The following ERC1 variants were observed in gnomAD, a reference collection of about 807,000 sequenced individuals.
The protein encoded by ERC1 is ELKS/RAB6-interacting/CAST family member 1, also known as RAB6 interacting protein 2.
Under a neutral mutation model 132.0 loss-of-function variants are expected in ERC1, and 56 were observed. That is an observed-to-expected ratio of 0.42 (90% CI 0.34 to 0.53). The LOEUF is 0.53. Among genes scored for constraint, ERC1 ranks in the 20% least tolerant of loss-of-function variants. The pLI, the probability that ERC1 is intolerant of heterozygous loss-of-function variation, is 0.03. For synonymous variants in ERC1, 478 were observed against 476.1 expected (o/e 1.00, Z -0.05); for missense variants, 1,202 against 1,349.9 (o/e 0.89, Z 1.72).
At chr12:1,265,534 A>C (rs886347954) in intron 14 of ERC1, among the ~76,000 whole-genome samples, 3 of 152,214 alleles carry the variant, frequency 2.0e-5, no homozygotes, top group Non-Finnish European at 4.4e-5. Flanking sequence ...GCGCCAGTGT[A>C]GTATTTGTTA....
At chr12:1,395,493 C>T (rs1425994634) in intron 16 of ERC1, among the ~76,000 whole-genome samples, 2 of 151,344 alleles carry the variant, frequency 1.3e-5, no homozygotes, top group African/African-American at 4.9e-5. Flanking sequence ...ATATAGGCTG[C>T]TCTTCTCCAG....
intron 8 of ERC1, among the ~76,000 whole-genome samples, chr12:1,163,091 CT>C (rs1206138067): frequency 3.9e-5 from 6 of 152,108 alleles, no homozygotes; most frequent in Non-Finnish European, 7.4e-5. Flanking sequence ...CTTCATACAA[CT>C]TTTTTTCCCC....
At chr12:1,470,758 TA>T (rs1375187438) in intron 18 of ERC1, among the ~76,000 whole-genome samples, 1 of 152,254 alleles carries the variant, frequency 6.6e-6, no homozygotes, top group Non-Finnish European at 1.5e-5. Context: ...TTGTTTAGAA[TA>T]CTCCACACTT....
At chr12:1,098,771 T>C (rs150509026) in intron 3 of ERC1, among the ~76,000 whole-genome samples, 1 of 152,362 alleles carries the variant, frequency 6.6e-6, no homozygotes, top group African/African-American at 2.4e-5. Context: ...AGGGCAGGCC[T>C]AGAAATTCAT....
chr12:1,315,802 C>G (rs2081654265), intron 15 of ERC1, among the ~76,000 whole-genome samples: 1 of 152,130 alleles, frequency 6.6e-6, no homozygotes, highest in African/African-American at 2.4e-5. Flanking sequence ...CATAGAAAGA[C>G]AGTGAAGTGA....
chr12:1,168,632 C>T (rs1002597792), intron 8 of ERC1, among the ~76,000 whole-genome samples: 7 of 151,660 alleles, frequency 4.6e-5, no homozygotes, highest in Non-Finnish European at 7.4e-5. Flanking sequence ...TTACAGGTGC[C>T]CACCACCACA....
chr12:1,075,628 T>A (rs1216444412), intron 2 of ERC1, among the ~76,000 whole-genome samples: 2 of 150,646 alleles, frequency 1.3e-5, no homozygotes, highest in East Asian at 3.9e-4. Flanking sequence ...GAGGCGGAGG[T>A]TGCAGTGAGC....
intron 7 of ERC1, among the ~76,000 whole-genome samples, chr12:1,134,395 G>A (rs944655434): frequency 2.7e-5 from 4 of 150,528 alleles, no homozygotes; most frequent in Admixed American, 2.0e-4. Flanking sequence ...TACCAAGGCT[G>A]GAGTACAGTG....
intron 18 of ERC1, among the ~76,000 whole-genome samples, chr12:1,468,322 G>C (rs1187775874): frequency 6.6e-6 from 1 of 152,098 alleles, no homozygotes; most frequent in Non-Finnish European, 1.5e-5. Context: ...GCCTGCAGGG[G>C]CCAGGTGCAG....
intron 17 of ERC1, among the ~76,000 whole-genome samples, chr12:1,412,265 G>C (rs2091893593): frequency 6.6e-6 from 1 of 152,156 alleles, no homozygotes; most frequent in Non-Finnish European, 1.5e-5. Flanking sequence ...TCAAACTTTT[G>C]AAATTGACGA....
At chr12:1,009,712 C>T (rs935760990) in intron 1 of ERC1, among the ~76,000 whole-genome samples, 6 of 152,084 alleles carry the variant, frequency 3.9e-5, no homozygotes, top group African/African-American at 1.4e-4. Context: ...TTTAGTTATA[C>T]ATGTTAATTA....
intron 13 of ERC1, among the ~76,000 whole-genome samples, chr12:1,257,621 A>G (rs1186242237): frequency 6.6e-6 from 1 of 152,160 alleles, no homozygotes; most frequent in Admixed American, 6.5e-5. Context: ...TATTACCTAT[A>G]TAACTCATAT....
chr12:1,339,924 G>T (rs1199832276), intron 15 of ERC1, among the ~76,000 whole-genome samples: 4 of 152,170 alleles, frequency 2.6e-5, no homozygotes, highest in Non-Finnish European at 4.4e-5. Flanking sequence ...ACAGGTGGTA[G>T]GGTGCACACA....
intron 8 of ERC1, chr12:1,151,935 A>G (rs939626857): frequency 3.9e-5 from 6 of 152,346 alleles, no homozygotes; most frequent in Non-Finnish European, 5.9e-5. Context: ...GCGGTGGCCC[A>G]CGCCTGTAAT....
intron 12 of ERC1, among the ~76,000 whole-genome samples, chr12:1,214,681 C>T (rs200367135): frequency 0.061 from 9,193 of 151,596 alleles, 372 homozygotes; most frequent in South Asian, 0.13. Flanking sequence ...CACACACACA[C>T]ACACACACAC....
intron 18 of ERC1, among the ~76,000 whole-genome samples, chr12:1,470,118 AC>A (rs1358289108): frequency 2.0e-5 from 3 of 149,942 alleles, no homozygotes; most frequent in African/African-American, 7.5e-5. Context: ...TCAGATTTAT[AC>A]TAAAAAAAAA....
intron 15 of ERC1, among the ~76,000 whole-genome samples, chr12:1,354,039 C>T (rs1434986495): frequency 1.3e-5 from 2 of 149,028 alleles, no homozygotes; most frequent in African/African-American, 5.0e-5. Flanking sequence ...TCCACCAGTG[C>T]TGTGTGCCCC....
At chr12:1,031,339 A>C (rs1967998161) in intron 2 of ERC1, among the ~76,000 whole-genome samples, 1 of 152,182 alleles carries the variant, frequency 6.6e-6, no homozygotes, top group African/African-American at 2.4e-5. Flanking sequence ...CCTGAATGGA[A>C]TACTGTTGGT....
intron 17 of ERC1, chr12:1,443,382 G>C: frequency 6.6e-6 from 1 of 152,146 alleles, no homozygotes; most frequent in Middle Eastern, 3.2e-3. Flanking sequence ...GTCCTCTGAG[G>C]GGGTCCAAGG....
Sources: gnomAD v4.1 joint callset for allele counts (sites outside exome capture counted in the v4.1 genomes callset) on GRCh38, gnomAD v4.1.1 for gene constraint, MANE v1.5 for transcripts, NCBI Gene and HGNC (gene_info 2026-07-23, HGNC 2026-07-21) for gene names.